SNTG1: variants seen among roughly 807,000 people sequenced by gnomAD.
SNTG1 encodes gamma-1-syntrophin.
A neutral mutation model predicts 74.7 loss-of-function variants in SNTG1; 39 were observed. The ratio of observed to expected loss-of-function variants is 0.52; its 90% CI spans 0.40 to 0.68. The LOEUF (loss-of-function observed/expected upper bound fraction) is 0.68. SNTG1 is among the 30% of genes least tolerant of loss of function. SNTG1 has a pLI of 0.00. For missense variants in SNTG1, 685 were observed against 609.5 expected, an observed-to-expected ratio of 1.12 and a Z score of -1.30; for synonymous variants, 254 against 217.1, an observed-to-expected ratio of 1.17 and a Z score of -1.49.
chr8:50,730,024 A>T (rs902933813), intron 17 of SNTG1, among the ~76,000 whole-genome samples: 1 of 152,284 alleles, frequency 6.6e-6, no homozygotes, highest in Middle Eastern at 3.4e-3. Context: ...GATGCTAAAA[A>T]GTAGTTGGAT....
At chr8:50,371,518 G>A (rs1177183380) in intron 2 of SNTG1, among the ~76,000 whole-genome samples, 1 of 152,166 alleles carries the variant, frequency 6.6e-6, no homozygotes, top group Non-Finnish European at 1.5e-5. Flanking sequence ...GTTGTTGGGT[G>A]AAGTGTTCAG....
chr8:50,655,997 T>C (rs2095177851), intron 13 of SNTG1, among the ~76,000 whole-genome samples: 1 of 152,148 alleles, frequency 6.6e-6, no homozygotes, highest in South Asian at 2.1e-4. Flanking sequence ...AAGCTAACTC[T>C]ACTTGCGACA....
intron 17 of SNTG1, among the ~76,000 whole-genome samples, chr8:50,730,610 T>C (rs866361976): frequency 3.3e-5 from 5 of 152,158 alleles, no homozygotes; most frequent in Admixed American, 6.5e-5. Context: ...ATTAATGGCA[T>C]TGAAAAATCA....
In SNTG1 at chr8:50,393,180, T is replaced by C. The variant is rs565681108; in HGVS notation, c.-27-1032T>C. Among the ~76,000 whole-genome samples the C allele has an allele frequency of 1.1e-4, 16 of 152,240 alleles. No homozygotes were observed. The East Asian group carries it at 3.1e-3, about 29-fold the overall frequency. On this transcript the variant is annotated intron_variant, in intron 2 of 18. Transcript: ENST00000642720. ...GGGAAATATTTAATAGATTATATGA[T>C]GCATTTGGTTACTACTGATGATGGC...
intron 18 of SNTG1, among the ~76,000 whole-genome samples, chr8:50,764,267 C>T (rs1278192133): frequency 1.3e-5 from 2 of 151,782 alleles, no homozygotes; most frequent in South Asian, 2.1e-4. Flanking sequence ...AAAAAATAAA[C>T]AAACAGGATT....
chr8:50,278,344 C>A (rs1288983943), intron 2 of SNTG1, among the ~76,000 whole-genome samples: 2 of 152,108 alleles, frequency 1.3e-5, no homozygotes, highest in Non-Finnish European at 2.9e-5. Flanking sequence ...CTTGTAACTG[C>A]AGAGATTGTT....
intron 2 of SNTG1, among the ~76,000 whole-genome samples, chr8:50,343,919 C>T (rs1348884991): frequency 6.6e-6 from 1 of 152,004 alleles, no homozygotes; most frequent in African/African-American, 2.4e-5. Flanking sequence ...GTGCCTGCTT[C>T]CCAGGCTAGA....
intron 1 of SNTG1, among the ~76,000 whole-genome samples, chr8:50,112,507 A>C (rs1390502263): frequency 7.6e-6 from 1 of 132,372 alleles, no homozygotes; most frequent in Non-Finnish European, 1.6e-5. Flanking sequence ...ACAAGTATTT[A>C]GTTCTTTCTT....
At chr8:50,387,459 G>A (rs2092593206) in intron 2 of SNTG1, among the ~76,000 whole-genome samples, 1 of 152,046 alleles carries the variant, frequency 6.6e-6, no homozygotes, top group African/African-American at 2.4e-5. Flanking sequence ...GTGTACCAAG[G>A]CGATCCTGGC....
chr8:50,641,536 C>T (rs879830450), intron 13 of SNTG1, among the ~76,000 whole-genome samples: 26 of 152,164 alleles, frequency 1.7e-4, no homozygotes, highest in African/African-American at 3.6e-4. Context: ...TTAGAGAGAG[C>T]CTATTTAAAA....
chr8:50,720,686 A>G (rs1456322802), intron 17 of SNTG1, among the ~76,000 whole-genome samples: 1 of 152,222 alleles, frequency 6.6e-6, no homozygotes, highest in East Asian at 1.9e-4. Context: ...TGCAAAGGAT[A>G]AAAGGTATGT....
intron 2 of SNTG1, among the ~76,000 whole-genome samples, chr8:50,277,332 A>G (rs1257454876): frequency 6.6e-6 from 1 of 151,868 alleles, no homozygotes; most frequent in Non-Finnish European, 1.5e-5. Flanking sequence ...CATTATAATA[A>G]TATAATGAAT....
intron 1 of SNTG1, among the ~76,000 whole-genome samples, chr8:50,032,675 C>G (rs934643604): frequency 6.6e-6 from 1 of 152,078 alleles, no homozygotes; most frequent in Non-Finnish European, 1.5e-5. Flanking sequence ...TAGTTTGTTT[C>G]GTAGATACAA....
chr8:50,227,706 A>ACAAGTCATCGGAGAAGC (rs1287407319), intron 2 of SNTG1, among the ~76,000 whole-genome samples: 5 of 151,890 alleles, frequency 3.3e-5, no homozygotes, highest in Non-Finnish European at 7.4e-5. Flanking sequence ...TTCCCTGAAG[A>ACAAGTCATCGGAGAAGC]CAAGTCATCG....
intron 13 of SNTG1, among the ~76,000 whole-genome samples, chr8:50,642,464 G>T (rs892971792): frequency 6.6e-6 from 1 of 152,136 alleles, no homozygotes; most frequent in Non-Finnish European, 1.5e-5. Flanking sequence ...ACAAGGATGT[G>T]TGCAACTGAA....
chr8:50,629,335 G>A (rs958279), intron 13 of SNTG1, among the ~76,000 whole-genome samples: 6,508 of 151,548 alleles, frequency 0.043, 241 homozygotes, highest in African/African-American at 0.094. Flanking sequence ...TTTTCTGTTC[G>A]TCATCTCCTT....
chr8:50,508,080 C>T (rs926201994), intron 9 of SNTG1, among the ~76,000 whole-genome samples: 4 of 152,130 alleles, frequency 2.6e-5, no homozygotes, highest in Admixed American at 1.3e-4. Flanking sequence ...CCCCACTCCC[C>T]TCAACAGGCT....
At chr8:50,587,894 G>A (rs552341175) in intron 12 of SNTG1, among the ~76,000 whole-genome samples, 2 of 151,998 alleles carry the variant, frequency 1.3e-5, no homozygotes, top group South Asian at 2.1e-4. Flanking sequence ...GGCGGATCAC[G>A]AGGTAGGGAG....
intron 12 of SNTG1, among the ~76,000 whole-genome samples, chr8:50,575,158 A>G (rs1407596416): frequency 1.3e-5 from 2 of 152,322 alleles, no homozygotes; most frequent in Middle Eastern, 3.4e-3. Context: ...GAAGGAGAGC[A>G]TATGTATTTT....
Sources: allele counts gnomAD v4.1 joint callset (sites outside exome capture counted in the v4.1 genomes callset), GRCh38; gene constraint gnomAD v4.1.1; transcripts MANE v1.5; gene names NCBI Gene and HGNC (gene_info 2026-07-23, HGNC 2026-07-21).